ATF7IP: variants seen among roughly 807,000 people sequenced by gnomAD.
The protein encoded by ATF7IP is activating transcription factor 7 interacting protein, also known as activating transcription factor 7-interacting protein 1.
Under a neutral mutation model 106.4 loss-of-function variants are expected in ATF7IP, and 23 were observed. That is an observed-to-expected ratio of 0.22 (90% CI 0.16 to 0.31). The LOEUF (loss-of-function observed/expected upper bound fraction) is 0.31, where lower values mean the gene tolerates loss of function less well. Among genes scored for constraint, ATF7IP ranks in the 10% least tolerant of loss-of-function variants. The pLI is 1.00. For missense variants in ATF7IP, 1,334 were observed against 1,524.3 expected, an observed-to-expected ratio of 0.88 and a Z score of 2.08; for synonymous variants, 542 against 539.0, an observed-to-expected ratio of 1.01 and a Z score of -0.08.
chr12:14,397,306 G>GT lies in ATF7IP; in HGVS notation c.-7-26600dup, dbSNP rs1193653284. On this transcript the variant is annotated intron_variant, in intron 1 of 14. Transcript: ENST00000261168. ...AAAAATCTTTGAGTTCCTAAAAAGT[G>GT]TTTGTGTTCCTTTTAAGAAAGAAAA... 2.6e-5 allele frequency among the ~76,000 whole-genome samples: 4 copies of GT among 152,320 alleles called. No homozygotes were observed. In the South Asian group the frequency reaches 8.3e-4, roughly 32 times the overall value.
chr12:14,481,424 CAA>C, intron 13 of ATF7IP: 1 of 550,614 alleles, frequency 1.8e-6, no homozygotes, highest in South Asian at 2.2e-5. Flanking sequence ...TCACCACACA[CAA>C]AAAAGGTAAG....
chr12:14,492,532 A>G (rs1944864131), intron 13 of ATF7IP, among the ~76,000 whole-genome samples: 1 of 152,004 alleles, frequency 6.6e-6, no homozygotes. Flanking sequence ...AGGGGTCATC[A>G]TTCTGTTTTT....
At chr12:14,439,539 C>T (rs74713389) in intron 5 of ATF7IP, among the ~76,000 whole-genome samples, 2,526 of 152,196 alleles carry the variant, frequency 0.017, 33 homozygotes, top group East Asian at 0.026. Context: ...TTTTTAAAAC[C>T]TAAGTTTTTG....
Position 14,481,164 on chromosome 12 carries a change from C to T in ATF7IP, c.3259C>T (p.Arg1087Trp), listed in dbSNP as rs1944415981. The T allele has an allele frequency of 1.2e-6, 2 of 1,613,782 alleles. No individual in the cohort carries two copies. The highest frequency in any genetic ancestry group is 1.7e-6 in the Non-Finnish European group (2 of 1,179,930). Residue 1087 changes from arginine (R) to tryptophan (W), a missense_variant, in exon 13 of 15, where the codon CGG becomes TGG. Physicochemically the swap from Arg to Trp is moderately radical, Grantham distance 101 (BLOSUM62 -3). This residue lies in a region of ATF7IP where 370 missense variants were observed against 401.2 expected (regional missense o/e 0.92). Transcript: ENST00000261168. ...RGTVMQAPAVRQVNPQNSVTV... is the reference protein window; with the variant it reads ...RGTVMQAPAVWQVNPQNSVTV... ...AACTGTTATGCAGGCTCCTGCTGTT[C>T]GGCAGGTCAATCCCCAAAATAGTAA...
intron 13 of ATF7IP, among the ~76,000 whole-genome samples, chr12:14,491,503 A>G (rs1302905479): frequency 6.6e-6 from 1 of 152,120 alleles, no homozygotes; most frequent in African/African-American, 2.4e-5. Context: ...TGTTTTTGCT[A>G]CTTCTTGCTC....
chr12:14,486,524 T>C (rs1157187976), intron 13 of ATF7IP, among the ~76,000 whole-genome samples: 1 of 152,220 alleles, frequency 6.6e-6, no homozygotes, highest in African/African-American at 2.4e-5. Context: ...TGAGGGGTTA[T>C]AATTCTCTTT....
chr12:14,442,331 G>A (rs1591869845), intron 5 of ATF7IP, among the ~76,000 whole-genome samples: 1 of 151,298 alleles, frequency 6.6e-6, no homozygotes, highest in Admixed American at 6.6e-5. Context: ...TGTTTTTTTG[G>A]TGTAGATACT....
chr12:14,479,678 G>A (rs117564616), intron 12 of ATF7IP, among the ~76,000 whole-genome samples: 50 of 152,244 alleles, frequency 3.3e-4, no homozygotes, highest in Non-Finnish European at 6.0e-4. Context: ...GTTTAGATTT[G>A]TTGAATTTCA....
intron 8 of ATF7IP, 37 bp from the exon 9 acceptor site, chr12:14,460,458 A>C (rs763350660): frequency 6.6e-7 from 1 of 1,517,926 alleles, no homozygotes; most frequent in Non-Finnish European, 8.8e-7. Context: ...AAATTAATAT[A>C]ACCATTTAAA....
chr12:14,432,931 G>A (rs1428318821), intron 2 of ATF7IP, among the ~76,000 whole-genome samples: 3 of 152,060 alleles, frequency 2.0e-5, no homozygotes, highest in South Asian at 4.1e-4. Flanking sequence ...TTAATGAGTA[G>A]GTTAGTTGAA....
intron 1 of ATF7IP, among the ~76,000 whole-genome samples, chr12:14,401,112 G>A (rs188214747): frequency 5.4e-4 from 82 of 152,038 alleles, no homozygotes; most frequent in African/African-American, 1.7e-3. Context: ...TATGTCTAGT[G>A]TCTTTGCTAT....
At chr12:14,422,123 A>C in intron 1 of ATF7IP, among the ~76,000 whole-genome samples, 1 of 152,178 alleles carries the variant, frequency 6.6e-6, no homozygotes, top group East Asian at 1.9e-4. Flanking sequence ...CTTGAATCTC[A>C]AGGAAAAGGA....
chr12:14,436,017 A>G, intron 3 of ATF7IP, 89 bp from the exon 4 acceptor site: 1 of 1,324,710 alleles, frequency 7.5e-7, no homozygotes, highest in Non-Finnish European at 1.0e-6. Flanking sequence ...CTATTATGAT[A>G]GAAATAATAT....
intron 1 of ATF7IP, chr12:14,416,953 G>C (rs139946253): frequency 2.0e-6 from 2 of 985,222 alleles, no homozygotes; most frequent in East Asian, 2.3e-4. Context: ...TCTTGGGTAT[G>C]TTTGAAAAAT....
intron 1 of ATF7IP, among the ~76,000 whole-genome samples, chr12:14,423,554 T>G (rs1941646257): frequency 6.6e-6 from 1 of 150,392 alleles, no homozygotes; most frequent in Non-Finnish European, 1.5e-5. Context: ...TTTATTTTTC[T>G]TTCTCATTTT....
chr12:14,396,437 T>A (rs1939846956), intron 1 of ATF7IP, among the ~76,000 whole-genome samples: 4 of 146,294 alleles, frequency 2.7e-5, no homozygotes, highest in East Asian at 3.9e-4. Context: ...TGCTTGGATT[T>A]AAAAAAAAAA....
chr12:14,494,333 A>ATATATG (rs1234871100), intron 13 of ATF7IP, among the ~76,000 whole-genome samples: 208 of 85,788 alleles, frequency 2.4e-3, no homozygotes, highest in Non-Finnish European at 3.3e-3. Context: ...ATATATATAT[A>ATATATG]TGTGTGTGTG....
chr12:14,419,813 T>C (rs1941398227), intron 1 of ATF7IP, among the ~76,000 whole-genome samples: 1 of 152,160 alleles, frequency 6.6e-6, no homozygotes, highest in African/African-American at 2.4e-5. Context: ...TGTATTAAGG[T>C]TTCTGTTTAA....
At chr12:14,471,728 A>T (rs1384746021) in intron 10 of ATF7IP, among the ~76,000 whole-genome samples, 1 of 152,092 alleles carries the variant, frequency 6.6e-6, no homozygotes, top group Admixed American at 6.5e-5. Context: ...TCTTGTGAGA[A>T]CTTACTATGA....
Sources: gnomAD v4.1 joint callset for allele counts (sites outside exome capture counted in the v4.1 genomes callset) on GRCh38, gnomAD v4.1.1 for gene constraint, gnomAD v4.1.1 regional missense constraint, MANE v1.5 for transcripts, NCBI Gene and HGNC (gene_info 2026-07-23, HGNC 2026-07-21) for gene names.